The following SCFD2 variants were observed in gnomAD, a reference collection of about 807,000 sequenced individuals.
SCFD2 encodes the protein sec1 family domain containing 2.
SCFD2 carries 54 observed loss-of-function variants against 58.9 expected under a neutral mutation model. That is an observed-to-expected ratio of 0.92 (90% CI 0.74 to 1.15). SCFD2 has a LOEUF of 1.15. SCFD2 is among the 50% of genes most tolerant of loss of function. The pLI is 0.00. For missense variants in SCFD2, 805 were observed against 836.6 expected (o/e 0.96, Z 0.47); for synonymous variants, 321 against 335.9 (o/e 0.96, Z 0.49).
intron 4 of SCFD2, among the ~76,000 whole-genome samples, chr4:53,254,415 T>C (rs1730519121): frequency 6.6e-6 from 1 of 152,200 alleles, no homozygotes; most frequent in Non-Finnish European, 1.5e-5. Flanking sequence ...CCTTCTGCCA[T>C]GATTTTAAGT....
intron 5 of SCFD2, among the ~76,000 whole-genome samples, chr4:53,135,474 G>A (rs149272241): frequency 1.8e-4 from 27 of 152,278 alleles, no homozygotes; most frequent in African/African-American, 2.9e-4. Context: ...GGTGGCTCAC[G>A]CCTATAATCC....
At chr4:53,020,540 G>A (rs1722321197) in intron 5 of SCFD2, among the ~76,000 whole-genome samples, 1 of 152,078 alleles carries the variant, frequency 6.6e-6, no homozygotes, top group Non-Finnish European at 1.5e-5. Context: ...AATAGCTCTG[G>A]TGTTGGTATA....
chr4:53,068,748 G>A (rs1290071791), intron 5 of SCFD2, among the ~76,000 whole-genome samples: 2 of 151,814 alleles, frequency 1.3e-5, no homozygotes, highest in East Asian at 3.9e-4. Context: ...TCCTAGCTTT[G>A]GACATTCAAT....
chr4:53,203,816 A>C (rs1728325058), intron 4 of SCFD2, among the ~76,000 whole-genome samples: 1 of 152,080 alleles, frequency 6.6e-6, no homozygotes, highest in Non-Finnish European at 1.5e-5. Flanking sequence ...ATTCTTCAAG[A>C]AGTAGTTGGA....
At chr4:53,217,058 A>C (rs1267613702) in intron 4 of SCFD2, among the ~76,000 whole-genome samples, 3 of 152,184 alleles carry the variant, frequency 2.0e-5, no homozygotes, top group Admixed American at 6.5e-5. Context: ...GGAGTGCTTT[A>C]CTTCCAGCTA....
intron 4 of SCFD2, among the ~76,000 whole-genome samples, chr4:53,238,475 A>G (rs1238395091): frequency 6.9e-6 from 1 of 145,888 alleles, no homozygotes; most frequent in Admixed American, 6.7e-5. Flanking sequence ...TCCCTCCCGG[A>G]TGGGGCGGCT....
intron 4 of SCFD2, among the ~76,000 whole-genome samples, chr4:53,193,584 T>C (rs1727976135): frequency 6.6e-6 from 1 of 152,108 alleles, no homozygotes. Context: ...ATGAAAAATG[T>C]CTTCTCTGGA....
intron 2 of SCFD2, among the ~76,000 whole-genome samples, chr4:53,317,076 C>T (rs1232598496): frequency 6.7e-6 from 1 of 148,952 alleles, no homozygotes; most frequent in Non-Finnish European, 1.5e-5. Context: ...CACTGCACTC[C>T]AGCCTAGGCA....
Position 53,323,371 on chromosome 4 carries a change from C to T in SCFD2, c.1008-9608G>A, listed in dbSNP as rs879828402. 9.9e-5 allele frequency among the ~76,000 whole-genome samples: 15 copies of T among 151,806 alleles called. 1 individual carries two copies. The highest frequency in any genetic ancestry group is 1.5e-4 in the Non-Finnish European group (10 of 67,920). ...GAGGAGAGAAGAATATACAGTAGTT[C>T]TTTTTTGTTGTTGTTTTTTTGGGAC... On this transcript the variant is annotated intron_variant, in intron 2 of 8. Transcript: ENST00000401642.
In SCFD2 at chr4:53,253,764, T is replaced by A. The variant is rs1358131984; in HGVS notation, c.1311+20062A>T. Among the ~76,000 whole-genome samples the A allele has an allele frequency of 1.1e-4, 16 of 142,488 alleles. No individual in the cohort carries two copies. The South Asian group carries it at 3.6e-3, about 32-fold the overall frequency. 93.5% of individuals were successfully genotyped at this position (142,488 alleles called of 152,430 possible). A position where few individuals can be genotyped will look rare whatever the true frequency, so the allele number is the denominator to read the frequency against. ...TGGGGTGGGGGGAGGGGGGAGGGAT[T>A]GCATTAGGAGATATACCTAATGCTA... is the stretch of plus-strand genomic sequence containing the variant. On this transcript the variant is annotated intron_variant, in intron 4 of 8. Transcript: ENST00000401642.
chr4:52,992,901 A>G (rs914643754), intron 5 of SCFD2, among the ~76,000 whole-genome samples: 1 of 152,206 alleles, frequency 6.6e-6, no homozygotes, highest in Non-Finnish European at 1.5e-5. Flanking sequence ...GGTGTACCCA[A>G]CAGCTCATTG....
At chr4:52,905,272 G>C (rs1719318069) in intron 7 of SCFD2, among the ~76,000 whole-genome samples, 1 of 152,224 alleles carries the variant, frequency 6.6e-6, no homozygotes, top group South Asian at 2.1e-4. Context: ...GCCCTACTGG[G>C]TGTTCCTCTT....
intron 5 of SCFD2, among the ~76,000 whole-genome samples, chr4:53,113,701 G>A (rs1725235469): frequency 6.6e-6 from 1 of 151,940 alleles, no homozygotes; most frequent in South Asian, 2.1e-4. Context: ...TTCACTTCTG[G>A]AACCCTAGCA....
chr4:53,178,630 T>A (rs1577807982), intron 4 of SCFD2, among the ~76,000 whole-genome samples: 1 of 152,002 alleles, frequency 6.6e-6, no homozygotes, highest in South Asian at 2.1e-4. Flanking sequence ...TCACCAGCAA[T>A]GGAACAAAGC....
chr4:52,944,813 G>A (rs980535036), intron 5 of SCFD2, among the ~76,000 whole-genome samples: 2 of 152,300 alleles, frequency 1.3e-5, no homozygotes, highest in East Asian at 1.9e-4. Context: ...GTTAACTGGT[G>A]GAAGGAGAAG....
chr4:53,077,059 A>G (rs553818288), intron 5 of SCFD2, among the ~76,000 whole-genome samples: 2 of 152,272 alleles, frequency 1.3e-5, no homozygotes, highest in East Asian at 3.9e-4. Flanking sequence ...TTCTTCCTAT[A>G]AGGAAGAACA....
chr4:53,339,208 G>A (rs1440911251), intron 2 of SCFD2, among the ~76,000 whole-genome samples: 2 of 151,980 alleles, frequency 1.3e-5, no homozygotes, highest in African/African-American at 2.4e-5. Context: ...ATATTAAGAT[G>A]ACTAAATTAC....
At chr4:53,244,742 A>C (rs1473001453) in intron 4 of SCFD2, among the ~76,000 whole-genome samples, 1 of 152,060 alleles carries the variant, frequency 6.6e-6, no homozygotes, top group African/African-American at 2.4e-5. Flanking sequence ...AATAAGCAAA[A>C]TCAGAGCTGC....
intron 1 of SCFD2, among the ~76,000 whole-genome samples, chr4:53,355,789 A>G (rs1578000645): frequency 6.6e-6 from 1 of 152,168 alleles, no homozygotes; most frequent in Non-Finnish European, 1.5e-5. Context: ...CAAGCATGAC[A>G]CACATGCTCC....
Sources: allele counts gnomAD v4.1 joint callset (sites outside exome capture counted in the v4.1 genomes callset), GRCh38; gene constraint gnomAD v4.1.1; transcripts MANE v1.5; gene names NCBI Gene and HGNC (gene_info 2026-07-23, HGNC 2026-07-21).